Variants in PDE4B observed in about 807,000 individuals in gnomAD.
PDE4B encodes phosphodiesterase 4B, also known as 3',5'-cyclic-AMP phosphodiesterase 4B.
In PDE4B, 20 loss-of-function variants were observed where a neutral mutation model predicts 82.2. The ratio of observed to expected loss-of-function variants is 0.24; its 90% confidence interval spans 0.17 to 0.35. The LOEUF is 0.35. Among genes scored for constraint, PDE4B ranks in the 10% least tolerant of loss-of-function variants. PDE4B has a pLI of 1.00. For synonymous variants in PDE4B, 320 were observed against 318.9 expected, an observed-to-expected ratio of 1.00 and a Z score of -0.04; for missense variants, 655 against 907.2, an observed-to-expected ratio of 0.72 and a Z score of 3.57.
At chr1:66,338,846 G>A (rs1660728031) in intron 8 of PDE4B, among the ~76,000 whole-genome samples, 1 of 150,248 alleles carries the variant, frequency 6.7e-6, no homozygotes. Context: ...GTGAAACCCC[G>A]TCTCTACTAA....
chr1:66,217,743 A>C (rs1477413931), intron 3 of PDE4B, among the ~76,000 whole-genome samples: 3 of 152,120 alleles, frequency 2.0e-5, no homozygotes, highest in African/African-American at 7.2e-5. Flanking sequence ...CTGTTGCGCA[A>C]TTATTATTTA....
At chr1:66,295,778 T>C (rs190365844) in intron 7 of PDE4B, among the ~76,000 whole-genome samples, 1 of 152,268 alleles carries the variant, frequency 6.6e-6, no homozygotes, top group East Asian at 1.9e-4. Context: ...TTAAAAATAT[T>C]TCACAGCTCA....
chr1:66,164,441 C>A, intron 3 of PDE4B, among the ~76,000 whole-genome samples: 1 of 139,652 alleles, frequency 7.2e-6, no homozygotes, highest in East Asian at 2.3e-4. Flanking sequence ...GAGGCTGAGG[C>A]AGGAGAATTG....
chr1:65,865,673 G>A lies in PDE4B; in HGVS notation c.-70-47572G>A, dbSNP rs1337919276. 3.3e-5 allele frequency among the ~76,000 whole-genome samples: 5 copies of A among 152,278 alleles called. No homozygotes were observed. The East Asian group carries it at 9.7e-4, about 29-fold the overall frequency. On this transcript the variant is annotated intron_variant, in intron 1 of 16. Transcript: ENST00000341517. ...TGTTTGCATTTCCCAGGTGAGGCAT[G>A]CCCCACTCTGCTTCTGCTCTTCCTC...
intron 3 of PDE4B, among the ~76,000 whole-genome samples, chr1:65,978,723 A>C (rs1650538115): frequency 6.6e-6 from 1 of 152,232 alleles, no homozygotes; most frequent in South Asian, 2.1e-4. Flanking sequence ...TTTGGACAGT[A>C]TAAATGATAG....
chr1:66,181,082 C>T (rs775505679), intron 3 of PDE4B, among the ~76,000 whole-genome samples: 1 of 152,110 alleles, frequency 6.6e-6, no homozygotes, highest in Non-Finnish European at 1.5e-5. Flanking sequence ...ATATCAATAC[C>T]ATTGTGCTGA....
chr1:66,194,394 A>G (rs1020358774), intron 3 of PDE4B, among the ~76,000 whole-genome samples: 2 of 152,162 alleles, frequency 1.3e-5, no homozygotes, highest in Non-Finnish European at 2.9e-5. Flanking sequence ...TTAACAAAAC[A>G]TATAATGAAA....
chr1:66,132,837 T>C (rs78160349), intron 3 of PDE4B, among the ~76,000 whole-genome samples: 3,966 of 152,290 alleles, frequency 0.026, 185 homozygotes, highest in African/African-American at 0.091. Context: ...AATTCTCTTC[T>C]TGGCTTTAGC....
chr1:65,868,176 C>T (rs1646532898), intron 1 of PDE4B, among the ~76,000 whole-genome samples: 1 of 152,188 alleles, frequency 6.6e-6, no homozygotes, highest in Non-Finnish European at 1.5e-5. Flanking sequence ...GCTCTCTCTG[C>T]TCCAAGCTGA....
chr1:66,003,258 A>G (rs1651963266), intron 3 of PDE4B, among the ~76,000 whole-genome samples: 2 of 152,084 alleles, frequency 1.3e-5, no homozygotes, highest in South Asian at 4.1e-4. Context: ...AAATTATACT[A>G]AAATGCACTA....
intron 3 of PDE4B, among the ~76,000 whole-genome samples, chr1:65,921,093 C>A (rs1647233209): frequency 6.7e-6 from 1 of 149,544 alleles, no homozygotes; most frequent in Non-Finnish European, 1.5e-5. Context: ...CTCAGCCTCC[C>A]AAGTAGCTGG....
rs189297225 is a variant in PDE4B at position 66,144,784 on chromosome 1, G to C, written c.282-102676G>C. On this transcript the variant is annotated intron_variant, in intron 3 of 16. Coordinates refer to ENST00000341517, the MANE Select transcript of PDE4B (RefSeq NM_002600.4). ...AAGAGGCCATGGTACTTTTTCACCA[G>C]TGACTTTGAGTTAAAGGAGCACAAA... is the stretch of plus-strand genomic sequence containing the variant. Among the ~76,000 whole-genome samples, 158 of 152,298 alleles carry C rather than the reference G, an allele frequency of 1.0e-3. 1 individual carries two copies. Among genetic ancestry groups the C allele is most frequent in the Admixed American group, 2.3e-3 (35 of 15,292 alleles).
At chr1:66,316,925 C>T (rs1470665322) in intron 7 of PDE4B, among the ~76,000 whole-genome samples, 7 of 152,094 alleles carry the variant, frequency 4.6e-5, no homozygotes, top group Admixed American at 3.3e-4. Flanking sequence ...AAATTAGGGC[C>T]GGAACGGAAG....
At chr1:66,175,997 A>T (rs878897456) in intron 3 of PDE4B, among the ~76,000 whole-genome samples, 3 of 152,228 alleles carry the variant, frequency 2.0e-5, no homozygotes, top group Non-Finnish European at 4.4e-5. Flanking sequence ...ACACATTCTT[A>T]TTCAGTTTAA....
At chr1:66,092,202 G>A (rs2100995727) in intron 3 of PDE4B, among the ~76,000 whole-genome samples, 2 of 152,102 alleles carry the variant, frequency 1.3e-5, no homozygotes, top group East Asian at 3.9e-4. Flanking sequence ...AAATTTTTGA[G>A]TTAGAGTACA....
chr1:65,922,063 C>T (rs527960808), intron 3 of PDE4B, among the ~76,000 whole-genome samples: 9 of 152,018 alleles, frequency 5.9e-5, no homozygotes, highest in South Asian at 2.1e-4. Flanking sequence ...GAAAAAAGGC[C>T]GGGAATATAA....
chr1:66,111,492 A>G (rs1645484333), intron 3 of PDE4B, among the ~76,000 whole-genome samples: 1 of 152,106 alleles, frequency 6.6e-6, no homozygotes, highest in African/African-American at 2.4e-5. Flanking sequence ...TATTCTAGAC[A>G]CTGAATATAA....
chr1:66,303,964 C>T (rs1325608015), intron 7 of PDE4B, among the ~76,000 whole-genome samples: 1 of 152,086 alleles, frequency 6.6e-6, no homozygotes, highest in African/African-American at 2.4e-5. Flanking sequence ...AAGACACCAT[C>T]ACACCACTGA....
intron 1 of PDE4B, among the ~76,000 whole-genome samples, chr1:65,864,331 GTTAT>G (rs1237494427): frequency 6.6e-6 from 1 of 151,956 alleles, no homozygotes; most frequent in Non-Finnish European, 1.5e-5. Context: ...AGAGGAGTTT[GTTAT>G]TACCCACCTT....
Sources: gnomAD v4.1 joint callset for allele counts (sites outside exome capture counted in the v4.1 genomes callset) on GRCh38, gnomAD v4.1.1 for gene constraint, MANE v1.5 for transcripts, NCBI Gene and HGNC (gene_info 2026-07-23, HGNC 2026-07-21) for gene names.